WDFY2: variants seen among roughly 807,000 people sequenced by gnomAD.
The protein encoded by WDFY2 is WD repeat and FYVE domain containing 2, also known as WD repeat and FYVE domain-containing protein 2.
WDFY2 carries 36 observed loss-of-function variants against 56.4 expected under a neutral mutation model. The ratio of observed to expected loss-of-function variants is 0.64; its 90% CI spans 0.49 to 0.84. The LOEUF (loss-of-function observed/expected upper bound fraction) is 0.84, where lower values mean the gene tolerates loss of function less well. Ranked by LOEUF, WDFY2 falls within the 40% of genes least tolerant of loss-of-function variation. The pLI is 0.00. For synonymous variants in WDFY2, 176 were observed against 183.7 expected (o/e 0.96, Z 0.34); for missense variants, 444 against 512.2 (o/e 0.87, Z 1.29).
intron 2 of WDFY2, among the ~76,000 whole-genome samples, chr13:51,668,614 G>A (rs1955754770): frequency 6.6e-6 from 1 of 152,134 alleles, no homozygotes. Context: ...TTTTTGCTTT[G>A]TCGGGCTGTA....
At chr13:51,652,202 T>C (rs1289701597) in intron 1 of WDFY2, among the ~76,000 whole-genome samples, 1 of 152,202 alleles carries the variant, frequency 6.6e-6, no homozygotes, top group Non-Finnish European at 1.5e-5. Flanking sequence ...TTAAAGTCTG[T>C]TTTATCAGAG....
At chr13:51,697,298 G>A (rs564574697) in intron 3 of WDFY2, among the ~76,000 whole-genome samples, 1 of 152,130 alleles carries the variant, frequency 6.6e-6, no homozygotes, top group Non-Finnish European at 1.5e-5. Flanking sequence ...TTATTCATAA[G>A]GATATTCCTG....
intron 1 of WDFY2, among the ~76,000 whole-genome samples, chr13:51,648,975 C>T (rs766261038): frequency 2.6e-5 from 4 of 152,044 alleles, no homozygotes; most frequent in African/African-American, 4.8e-5. Flanking sequence ...GGTGAAATCC[C>T]GTCTCTACTA....
intron 3 of WDFY2, among the ~76,000 whole-genome samples, chr13:51,685,321 A>G (rs2138527587): frequency 6.6e-6 from 1 of 152,320 alleles, no homozygotes; most frequent in South Asian, 2.1e-4. Flanking sequence ...AGTAAGATGT[A>G]TATACAGTTG....
At chr13:51,701,461 C>T (rs1489707893) in intron 3 of WDFY2, among the ~76,000 whole-genome samples, 4 of 142,708 alleles carry the variant, frequency 2.8e-5, no homozygotes, top group East Asian at 4.2e-4. Context: ...GTGGAGGTTG[C>T]AGTGAGCCAA....
intron 6 of WDFY2, among the ~76,000 whole-genome samples, chr13:51,728,872 G>C (rs1313154640): frequency 6.6e-6 from 1 of 152,050 alleles, no homozygotes; most frequent in African/African-American, 2.4e-5. Flanking sequence ...TGGGGTTCTG[G>C]GGGGGACCCA....
intron 1 of WDFY2, among the ~76,000 whole-genome samples, chr13:51,616,812 A>C (rs963454699): frequency 1.2e-4 from 19 of 152,246 alleles, no homozygotes; most frequent in Admixed American, 1.2e-3. Context: ...GGGTACTATG[A>C]GATGAGTTAC....
At chr13:51,697,702 G>C (rs1260473501) in intron 3 of WDFY2, among the ~76,000 whole-genome samples, 1 of 151,894 alleles carries the variant, frequency 6.6e-6, no homozygotes, top group Non-Finnish European at 1.5e-5. Context: ...GCCTTCCAAT[G>C]GGATATTACG....
chr13:51,729,028 A>T (rs1399184670), intron 6 of WDFY2, among the ~76,000 whole-genome samples: 1 of 152,004 alleles, frequency 6.6e-6, no homozygotes, highest in Non-Finnish European at 1.5e-5. Context: ...CCATTTTCCC[A>T]GCGTCTCTTC....
intron 1 of WDFY2, among the ~76,000 whole-genome samples, chr13:51,641,589 G>A (rs982978180): frequency 6.6e-6 from 1 of 150,806 alleles, no homozygotes; most frequent in Non-Finnish European, 1.5e-5. Context: ...CACTTTGGGA[G>A]GCCGAGGCGG....
At chr13:51,745,977 T>TC (rs1566221787) in intron 7 of WDFY2, among the ~76,000 whole-genome samples, 2 of 138,722 alleles carry the variant, frequency 1.4e-5, no homozygotes, top group Non-Finnish European at 3.1e-5. Context: ...CTTTTTCTTT[T>TC]TTTTTTTTTT....
Position 51,586,799 on chromosome 13 carries a change from G to A in WDFY2, c.137+1975G>A, listed in dbSNP as rs1953946962. The A allele has an allele frequency of 2.0e-5, 3 of 152,208 alleles. No individual in the cohort carries two copies. In the South Asian group the frequency reaches 6.2e-4, roughly 32 times the overall value. The allele number at this position is 152,208 out of a possible 1,614,324, so 9.4% of individuals were successfully genotyped here. A position where few individuals can be genotyped will look rare whatever the true frequency, so the allele number is the denominator to read the frequency against. ...GAAATTATTTTGTCATGGAGTTACT[G>A]TTAAATAAGGTTCACCCATAAGTCT... On this transcript the variant is annotated intron_variant, in intron 1 of 11. Transcript: ENST00000298125.
chr13:51,702,626 C>G (rs1166901848), intron 3 of WDFY2, among the ~76,000 whole-genome samples: 2 of 152,146 alleles, frequency 1.3e-5, no homozygotes, highest in Non-Finnish European at 2.9e-5. Flanking sequence ...AAAAATTACA[C>G]AAACTGCTAA....
chr13:51,643,500 C>A (rs1224077256), intron 1 of WDFY2, among the ~76,000 whole-genome samples: 1 of 152,178 alleles, frequency 6.6e-6, no homozygotes, highest in African/African-American at 2.4e-5. Context: ...ATATTTAAAT[C>A]TATATTATTC....
chr13:51,605,222 T>C (rs1477609230), intron 1 of WDFY2, among the ~76,000 whole-genome samples: 1 of 152,230 alleles, frequency 6.6e-6, no homozygotes, highest in Non-Finnish European at 1.5e-5. Context: ...TGTCCACATA[T>C]GGACAGCACA....
intron 1 of WDFY2, among the ~76,000 whole-genome samples, chr13:51,651,439 A>T (rs1593935370): frequency 6.6e-6 from 1 of 151,748 alleles, no homozygotes; most frequent in African/African-American, 2.4e-5. Context: ...GATCTTAGTT[A>T]TTTCTTGCCT....
chr13:51,661,910 T>A (rs931884368), intron 2 of WDFY2, among the ~76,000 whole-genome samples: 1 of 152,148 alleles, frequency 6.6e-6, no homozygotes, highest in African/African-American at 2.4e-5. Flanking sequence ...TGATGAGGGT[T>A]TAGATAAATG....
At chr13:51,718,577 C>G (rs956687230) in intron 4 of WDFY2, among the ~76,000 whole-genome samples, 3 of 151,482 alleles carry the variant, frequency 2.0e-5, no homozygotes, top group Admixed American at 6.6e-5. Context: ...CACACACACA[C>G]ACACACACAC....
At position 51,739,176 on chromosome 13, in the gene WDFY2, G is replaced by C. The variant is rs1566210437; in HGVS notation, c.725+1G>C. 4 of 1,584,310 alleles carry C rather than the reference G, an allele frequency of 2.5e-6. No homozygotes were observed. The highest frequency in any genetic ancestry group is 3.4e-6 in the Non-Finnish European group (4 of 1,165,610). On this transcript the variant is annotated splice_donor_variant, in intron 7 of 11. Coordinates refer to ENST00000298125, the MANE Select transcript of WDFY2 (RefSeq NM_052950.4). LOFTEE classifies it high-confidence loss of function. Reference sequence around the variant, plus strand: ...CAGCCATCGAGCTCCAAGGACACAAGTAAGGTTGCTGGTGCTTTCATAAAG... The same window carrying C: ...CAGCCATCGAGCTCCAAGGACACAACTAAGGTTGCTGGTGCTTTCATAAAG...
Sources: gnomAD v4.1 joint callset for allele counts (sites outside exome capture counted in the v4.1 genomes callset) on GRCh38, gnomAD v4.1.1 for gene constraint, MANE v1.5 for transcripts, NCBI Gene and HGNC (gene_info 2026-07-23, HGNC 2026-07-21) for gene names.